RAPGEF1: variants seen among roughly 807,000 people sequenced by gnomAD.
The protein encoded by RAPGEF1 is CRK SH3-binding GNRP.
RAPGEF1 carries 33 observed loss-of-function variants against 143.3 expected under a neutral mutation model. The observed-to-expected ratio is 0.23, with a 90% CI of 0.17 to 0.31. The LOEUF is 0.31. RAPGEF1 is among the 10% of genes least tolerant of loss of function. The probability of loss-of-function intolerance (pLI) is 1.00; values close to 1 mark genes in which losing one functional copy is unlikely to be tolerated. For missense variants in RAPGEF1, 1,199 were observed against 1,645.4 expected (o/e 0.73, Z 4.69); for synonymous variants, 629 against 676.5 (o/e 0.93, Z 1.09).
At chr9:131,604,167 A>G (rs1319453109) in intron 13 of RAPGEF1, 114 bp from the exon 14 acceptor site, 1 of 559,856 alleles carries the variant, frequency 1.8e-6, no homozygotes, top group Non-Finnish European at 2.9e-6. Flanking sequence ...TGCAGAGAGC[A>G]AAGCTGCTTT....
intron 12 of RAPGEF1, among the ~76,000 whole-genome samples, chr9:131,608,342 G>A (rs1266608051): frequency 1.3e-5 from 2 of 152,298 alleles, no homozygotes; most frequent in East Asian, 1.9e-4. Context: ...TTGCTGATAC[G>A]TATTTTAGTA....
At chr9:131,592,924 A>G (rs4740292) in intron 17 of RAPGEF1, among the ~76,000 whole-genome samples, 131,814 of 151,770 alleles carry the variant, frequency 0.87, 57,401 homozygotes, top group African/African-American at 0.94. Flanking sequence ...GCTGATTTTA[A>G]TACAGACAAG....
intron 3 of RAPGEF1, among the ~76,000 whole-genome samples, chr9:131,648,919 T>C (rs1212810471): frequency 6.6e-6 from 1 of 152,260 alleles, no homozygotes; most frequent in Non-Finnish European, 1.5e-5. Context: ...CGGCATTAAA[T>C]GGATGGCTGT....
chr9:131,714,705 CTTTTTTT>C (rs10568442), intron 1 of RAPGEF1, among the ~76,000 whole-genome samples: 3 of 114,698 alleles, frequency 2.6e-5, no homozygotes, highest in African/African-American at 3.8e-5. Flanking sequence ...TAGACTCTGC[CTTTTTTT>C]TTTTTTTTTT....
chr9:131,720,656 TATCA>T (rs1836198668), intron 1 of RAPGEF1, among the ~76,000 whole-genome samples: 1 of 152,196 alleles, frequency 6.6e-6, no homozygotes, highest in South Asian at 2.1e-4. Context: ...GGCTGCAAGT[TATCA>T]ATTTGTCACA....
rs1276696563 is a variant in RAPGEF1, at chr9:131,737,578, CT to C, written c.61+2191del. Reference sequence around the variant, plus strand: ...ATGCTGAAATGAACTGGCCTCAGGTCTTTCTCCCAAATAGCAGAGAACTCAA... The same window carrying C: ...ATGCTGAAATGAACTGGCCTCAGGTCTTCTCCCAAATAGCAGAGAACTCAA... On this transcript the variant is annotated intron_variant, in intron 1 of 26. Coordinates refer to ENST00000683357, the MANE Select transcript of RAPGEF1 (RefSeq NM_001377935.1). The C allele has an allele frequency of 1.9e-6, 3 of 1,538,932 alleles. No individual in the cohort carries two copies. In the African/African-American group the frequency reaches 4.1e-5, roughly 21 times the overall value.
intron 1 of RAPGEF1, among the ~76,000 whole-genome samples, chr9:131,660,740 G>C (rs1336572296): frequency 6.6e-6 from 1 of 152,248 alleles, no homozygotes; most frequent in Non-Finnish European, 1.5e-5. Context: ...GCCTGCCCCA[G>C]AGTGGGGCCC....
intron 12 of RAPGEF1, among the ~76,000 whole-genome samples, chr9:131,613,958 T>G (rs1471161982): frequency 6.6e-6 from 1 of 151,900 alleles, no homozygotes; most frequent in Admixed American, 6.6e-5. Flanking sequence ...CGGTGTGAAA[T>G]AACCTGAAGC....
intron 1 of RAPGEF1, among the ~76,000 whole-genome samples, chr9:131,669,834 C>A (rs139194828): frequency 1.3e-5 from 2 of 152,286 alleles, no homozygotes; most frequent in South Asian, 2.1e-4. Flanking sequence ...TGGGTTAGAG[C>A]CTAAAATTCA....
intron 1 of RAPGEF1, among the ~76,000 whole-genome samples, chr9:131,737,967 C>A (rs76750183): frequency 7.3e-6 from 1 of 137,490 alleles, no homozygotes; most frequent in African/African-American, 2.7e-5. Flanking sequence ...GACTCCGTCT[C>A]AAAAAAAAAA....
chr9:131,610,791 T>C (rs1564519429), intron 12 of RAPGEF1, among the ~76,000 whole-genome samples: 2 of 152,184 alleles, frequency 1.3e-5, no homozygotes, highest in Non-Finnish European at 2.9e-5. Context: ...TGGAAGGAAA[T>C]TGAGCTTTTC....
At position 131,675,971 on chromosome 9, in the gene RAPGEF1, A is replaced by G. The variant is rs1236808824; in HGVS notation, c.62-25022T>C. 1.3e-5 allele frequency among the ~76,000 whole-genome samples: 2 copies of G among 150,890 alleles called. No individual in the cohort carries two copies. The highest frequency in any genetic ancestry group is 4.9e-5 in the African/African-American group (2 of 40,928). ...GGCTGGAGTGTAGTGGCATGGTCGT[A>G]GCTCACTACAGCCTTGAACTCCTGG... On this transcript the variant is annotated intron_variant, in intron 1 of 26. Transcript: ENST00000683357. This position sits in a 1 kb window ranked among gnomAD's most constrained non-coding sequence, Gnocchi z 4.6.
At chr9:131,643,999 G>C (rs1968814281) in intron 3 of RAPGEF1, among the ~76,000 whole-genome samples, 1 of 152,166 alleles carries the variant, frequency 6.6e-6, no homozygotes, top group Non-Finnish European at 1.5e-5. Context: ...AAGCTCCCAG[G>C]GCTAGAAGGG....
intron 13 of RAPGEF1, among the ~76,000 whole-genome samples, 194 bp from the exon 14 acceptor site, chr9:131,604,247 G>C (rs568842089): frequency 6.6e-6 from 1 of 152,230 alleles, no homozygotes; most frequent in Admixed American, 6.5e-5. Context: ...GGTGTCTGGG[G>C]CTAAATCATC....
chr9:131,663,152 A>G (rs1416876278), intron 1 of RAPGEF1, among the ~76,000 whole-genome samples: 16 of 152,010 alleles, frequency 1.1e-4, no homozygotes, highest in Non-Finnish European at 1.5e-5. Context: ...AAAGAATACT[A>G]TGAAGCGAAC....
chr9:131,713,671 G>A (rs1835664953), intron 1 of RAPGEF1, among the ~76,000 whole-genome samples: 2 of 152,134 alleles, frequency 1.3e-5, no homozygotes, highest in African/African-American at 2.4e-5. Context: ...TCAGACTTGG[G>A]AGGCTGAGGT....
chr9:131,673,584 G>T (rs1588952135), intron 1 of RAPGEF1, among the ~76,000 whole-genome samples: 1 of 152,218 alleles, frequency 6.6e-6, no homozygotes, highest in Non-Finnish European at 1.5e-5. Context: ...AACTGGAAGG[G>T]AAAGGAATTT....
chr9:131,730,399 AG>A (rs1386712782), intron 1 of RAPGEF1, among the ~76,000 whole-genome samples: 2 of 151,324 alleles, frequency 1.3e-5, no homozygotes, highest in Non-Finnish European at 3.0e-5. Context: ...AACCAGCCTT[AG>A]GCTGGGAGGT....
intron 26 of RAPGEF1, 118 bp from the exon 27 acceptor site, chr9:131,579,765 G>T: frequency 1.8e-6 from 2 of 1,084,046 alleles, no homozygotes; most frequent in Non-Finnish European, 2.6e-6. Context: ...GCAAACGGAT[G>T]CTGCAGGGGC....
Sources: gnomAD v4.1 joint callset for allele counts (sites outside exome capture counted in the v4.1 genomes callset) on GRCh38, gnomAD v4.1.1 for gene constraint, Gnocchi (gnomAD v3.1) non-coding constraint, MANE v1.5 for transcripts, NCBI Gene and HGNC (gene_info 2026-07-23, HGNC 2026-07-21) for gene names.